The following ADAMTSL1 variants were observed in gnomAD, a reference collection of about 807,000 sequenced individuals.
ADAMTSL1 encodes the protein ADAMTS like 1, also known as ADAMTS-like protein 1.
Under a neutral mutation model 201.8 loss-of-function variants are expected in ADAMTSL1, and 126 were observed. The ratio of observed to expected loss-of-function variants is 0.62; its 90% confidence interval spans 0.54 to 0.72. The LOEUF is 0.72. Ranked by LOEUF, ADAMTSL1 falls within the 30% of genes least tolerant of loss-of-function variation. ADAMTSL1 has a pLI of 0.00. For synonymous variants in ADAMTSL1, 1,121 were observed against 903.4 expected (o/e 1.24, Z -4.32); for missense variants, 2,679 against 2,277.8 (o/e 1.18, Z -3.59).
At chr9:18,385,783 T>A (rs1431515734) in intron 2 of ADAMTSL1, among the ~76,000 whole-genome samples, 1 of 152,204 alleles carries the variant, frequency 6.6e-6, no homozygotes, top group Non-Finnish European at 1.5e-5. Flanking sequence ...CCAGTAGTAT[T>A]TGGCTGACAT....
chr9:18,628,299 TC>T (rs1451599971), intron 5 of ADAMTSL1, among the ~76,000 whole-genome samples: 1 of 152,198 alleles, frequency 6.6e-6, no homozygotes, highest in Non-Finnish European at 1.5e-5. Flanking sequence ...GAATTTTTTT[TC>T]GTATAGACGC....
chr9:18,288,607 C>T (rs960931495), intron 2 of ADAMTSL1, among the ~76,000 whole-genome samples: 1 of 151,196 alleles, frequency 6.6e-6, no homozygotes, highest in African/African-American at 2.4e-5. Flanking sequence ...GGCAAGAAGG[C>T]AGGAAGACAG....
At chr9:18,399,335 ATTATTTTC>A in intron 2 of ADAMTSL1, among the ~76,000 whole-genome samples, 1 of 105,064 alleles carries the variant, frequency 9.5e-6, no homozygotes, top group South Asian at 3.0e-4. Flanking sequence ...ATATAAAATT[ATTATTTTC>A]TTTTTTTCTT....
intron 23 of ADAMTSL1, among the ~76,000 whole-genome samples, chr9:18,835,435 C>T (rs184055028): frequency 1.3e-5 from 2 of 152,206 alleles, no homozygotes; most frequent in African/African-American, 4.8e-5. Context: ...ATTCTCTTAA[C>T]AGTGTCTTAC....
In ADAMTSL1 at chr9:18,829,872, G is replaced by A; in HGVS notation, c.4144G>A (p.Asp1382Asn). ...DPPQVPTQLEDIRALLAATGP... is the reference protein window; with the variant it reads ...DPPQVPTQLENIRALLAATGP... The stretch of plus-strand genomic sequence containing the variant: ...CCCCCAAGTCCCCACACAGTTGGAA[G>A]ACATCAGGGCCTTGCTCGCTGCCAC... Residue 1382 changes from aspartate to asparagine, a missense_variant, in exon 23 of 29, where the codon GAC becomes AAC. Transcript: ENST00000380548. 1 of 1,613,966 alleles carries A rather than the reference G, an allele frequency of 6.2e-7. No homozygotes were observed. Among genetic ancestry groups the A allele is most frequent in the Non-Finnish European group, 8.5e-7 (1 of 1,179,888 alleles).
chr9:18,292,942 T>C (rs182514956), intron 2 of ADAMTSL1, among the ~76,000 whole-genome samples: 8 of 152,348 alleles, frequency 5.3e-5, no homozygotes, highest in Admixed American at 2.0e-4. Flanking sequence ...CTATTAGTTC[T>C]GTCCTTCTAG....
At chr9:18,277,787 G>A (rs1311049656) in intron 2 of ADAMTSL1, among the ~76,000 whole-genome samples, 1 of 152,066 alleles carries the variant, frequency 6.6e-6, no homozygotes, top group Non-Finnish European at 1.5e-5. Flanking sequence ...ATTGCTGATA[G>A]GTAAAGACTT....
chr9:18,791,533 G>C (rs549950559), intron 19 of ADAMTSL1, among the ~76,000 whole-genome samples: 14 of 152,088 alleles, frequency 9.2e-5, no homozygotes, highest in Middle Eastern at 3.4e-3. Flanking sequence ...AAAAAAAAAA[G>C]TGCTGGACCA....
intron 2 of ADAMTSL1, among the ~76,000 whole-genome samples, chr9:18,359,958 A>G (rs1431354851): frequency 6.6e-6 from 1 of 151,974 alleles, no homozygotes; most frequent in East Asian, 1.9e-4. Flanking sequence ...CTCTATGGCA[A>G]TAATACTAAT....
intron 2 of ADAMTSL1, among the ~76,000 whole-genome samples, chr9:18,269,845 C>T (rs1587435974): frequency 6.9e-6 from 1 of 145,558 alleles, no homozygotes; most frequent in Admixed American, 6.9e-5. Flanking sequence ...CCTCTTCATC[C>T]TTTTTTTTTT....
Position 18,777,383 on chromosome 9 carries a change from A to G in ADAMTSL1, c.3154A>G (p.Thr1052Ala). Residue 1052 changes from threonine to alanine, a missense_variant, in exon 19 of 29, where the codon ACG becomes GCG. Thr to Ala is a moderately conservative substitution (Grantham distance 58, BLOSUM62 0). Transcript: ENST00000380548. ...GGCGCAGGACTCTGCGGAAAGGAAC[A>G]CGACCTCGGAGGAGGACCCGGGTGC... ...WEAQDSAERNTTSEEDPGAEQ... is the reference protein window; with the variant it reads ...WEAQDSAERNATSEEDPGAEQ... The G allele has an allele frequency of 6.2e-7, 1 of 1,603,216 alleles. No individual in the cohort carries two copies. Among genetic ancestry groups the G allele is most frequent in the Non-Finnish European group, 8.5e-7 (1 of 1,175,462 alleles).
At chr9:18,336,748 T>C (rs1262256541) in intron 2 of ADAMTSL1, among the ~76,000 whole-genome samples, 3 of 152,142 alleles carry the variant, frequency 2.0e-5, no homozygotes, top group African/African-American at 4.8e-5. Flanking sequence ...TGACAGTACA[T>C]GCAAGTTAAT....
chr9:17,912,338 C>T (rs1825920802), intron 1 of ADAMTSL1, among the ~76,000 whole-genome samples: 1 of 60,932 alleles, frequency 1.6e-5, no homozygotes, highest in Non-Finnish European at 5.1e-5. Context: ...CACATCCTCT[C>T]CAGCACCTGT....
intron 23 of ADAMTSL1, among the ~76,000 whole-genome samples, chr9:18,848,184 A>G (rs3885291): frequency 0.14 from 21,240 of 152,150 alleles, 2,929 homozygotes; most frequent in African/African-American, 0.36. Context: ...GGGGATCCCC[A>G]TTGCACAGTA....
At chr9:18,687,327 T>C (rs1335369789) in intron 13 of ADAMTSL1, among the ~76,000 whole-genome samples, 2 of 152,216 alleles carry the variant, frequency 1.3e-5, no homozygotes, top group Non-Finnish European at 2.9e-5. Flanking sequence ...CGTTTCTAAA[T>C]GTATGTAACA....
intron 1 of ADAMTSL1, among the ~76,000 whole-genome samples, chr9:18,051,546 C>CTTT (rs200097532): frequency 4.7e-4 from 66 of 140,840 alleles, no homozygotes; most frequent in African/African-American, 1.7e-3. Flanking sequence ...CTTTTTAAAA[C>CTTT]TTTTTTTTTT....
chr9:18,296,930 A>G (rs968508059), intron 2 of ADAMTSL1, among the ~76,000 whole-genome samples: 1 of 152,232 alleles, frequency 6.6e-6, no homozygotes, highest in African/African-American at 2.4e-5. Flanking sequence ...AGTTGCTGGC[A>G]AATGCTGAAG....
chr9:18,410,207 G>T (rs2791452), intron 2 of ADAMTSL1, among the ~76,000 whole-genome samples: 64,655 of 148,344 alleles, frequency 0.44, 14,547 homozygotes, highest in African/African-American at 0.57. Context: ...TTTTTTTTCT[G>T]TCAACTTTTA....
chr9:18,597,490 A>G lies in ADAMTSL1; in HGVS notation c.474+23224A>G, dbSNP rs1223841819. Among the ~76,000 whole-genome samples, 4 of 152,238 alleles carry G rather than the reference A, an allele frequency of 2.6e-5. No individual in the cohort carries two copies. The East Asian group carries it at 7.7e-4, about 29-fold the overall frequency. On this transcript the variant is annotated intron_variant, in intron 4 of 28. Transcript: ENST00000380548. ...AACTTGAAGTACAAGGTTTAAAAGT[A>G]TATTAAAAATTTGAAAGATTTGAAA... is the stretch of plus-strand genomic sequence containing the variant.
Sources: allele counts gnomAD v4.1 joint callset (sites outside exome capture counted in the v4.1 genomes callset), GRCh38; gene constraint gnomAD v4.1.1; transcripts MANE v1.5; gene names NCBI Gene and HGNC (gene_info 2026-07-23, HGNC 2026-07-21).